The following FAT1 variants were observed in gnomAD, a reference collection of about 807,000 sequenced individuals.
FAT1 encodes protocadherin Fat 1.
FAT1 carries 171 observed loss-of-function variants against 329.8 expected under a neutral mutation model. The ratio of observed to expected loss-of-function variants is 0.52; its 90% CI spans 0.46 to 0.59. The LOEUF (loss-of-function observed/expected upper bound fraction) is 0.59, where lower values mean the gene tolerates loss of function less well. Among genes scored for constraint, FAT1 ranks in the 20% least tolerant of loss-of-function variants. FAT1 has a pLI of 0.00. For synonymous variants in FAT1, 2,233 were observed against 2,228.6 expected (o/e 1.00, Z -0.06); for missense variants, 5,672 against 5,774.4 (o/e 0.98, Z 0.57).
chr4:186,600,138 G>A lies in FAT1; in HGVS notation c.11863C>T (p.His3955Tyr), dbSNP rs2126412455. ...TGCCTTGTTCCCTGCTGACGGATGT[G>A]GCCACCAAAAAACACATAGTTATCC... ...NLDNYVFFGG[H>Y]IRQQGTRHGR... The change falls in exon 22 of 27, where the codon CAC becomes TAC. Residue 3955 changes from histidine (H) to tyrosine (Y), a missense_variant. This residue lies in a region of FAT1 where 1,706 missense variants were observed against 1,859.1 expected (regional missense o/e 0.92). Coordinates refer to ENST00000441802, the MANE Select transcript of FAT1 (RefSeq NM_005245.4). 3 of 1,613,976 alleles carry A rather than the reference G, an allele frequency of 1.9e-6. No homozygotes were observed. In the East Asian group the frequency reaches 6.7e-5, roughly 36 times the overall value.
At chr4:186,673,824 G>A (rs1422931329) in intron 2 of FAT1, among the ~76,000 whole-genome samples, 3 of 152,180 alleles carry the variant, frequency 2.0e-5, no homozygotes, top group Admixed American at 6.5e-5. Flanking sequence ...ATGTTGTCCC[G>A]CTTTGTTGAG....
intron 2 of FAT1, among the ~76,000 whole-genome samples, chr4:186,686,877 T>C (rs930310538): frequency 8.5e-5 from 13 of 152,198 alleles, no homozygotes; most frequent in African/African-American, 2.9e-4. Context: ...GAACTTATAT[T>C]CTTGATTTCA....
At chr4:186,642,717 C>T (rs934535855) in intron 3 of FAT1, among the ~76,000 whole-genome samples, 1 of 152,112 alleles carries the variant, frequency 6.6e-6, no homozygotes, top group Non-Finnish European at 1.5e-5. Context: ...AGCACAGACC[C>T]GAGGCGCAGG....
At position 186,707,971 on chromosome 4, in the gene FAT1, G is replaced by T. The variant is rs775388847; in HGVS notation, c.1857C>A (p.Pro619=). ...GCTTTAATGACAATACCCCCGAGTT[G>T]GGGTTTAAACTAAAGAAATCCAGTT... is the stretch of plus-strand genomic sequence containing the variant. The part of the protein sequence containing the change: ...GNELDFFSLN[P]NSGVLSLKRS... The change falls in exon 2 of 27, where the codon CCC becomes CCA. Residue 619 remains proline, a synonymous_variant. Transcript: ENST00000441802. The T allele has an allele frequency of 5.0e-6, 8 of 1,613,862 alleles. No homozygotes were observed. Among genetic ancestry groups the T allele is most frequent in the Non-Finnish European group, 5.9e-6 (7 of 1,179,872 alleles).
At chr4:186,646,896 A>G (rs1350268029) in intron 3 of FAT1, among the ~76,000 whole-genome samples, 1 of 152,188 alleles carries the variant, frequency 6.6e-6, no homozygotes, top group African/African-American at 2.4e-5. Context: ...GTACCAATCA[A>G]GAGGCTCTGT....
In FAT1 at chr4:186,714,876, G is replaced by A. The variant is rs188541436; in HGVS notation, c.-18-5031C>T. On this transcript the variant is annotated intron_variant, in intron 1 of 26. Coordinates refer to ENST00000441802, the MANE Select transcript of FAT1 (RefSeq NM_005245.4). ...AGGCGGATCACGAGGTCAAGAGACC[G>A]AGACCATCCTGGCCAACATGGTGAA... Among the ~76,000 whole-genome samples the A allele has an allele frequency of 5.9e-5, 9 of 152,230 alleles. No individual in the cohort carries two copies. The East Asian group carries it at 1.6e-3, about 26-fold the overall frequency.
rs144493633 is a variant in FAT1 at position 186,681,638 on chromosome 4, T to C, written c.3266-18025A>G. ...AAGAAAGTCAGAATCCACAGCAACG[T>C]TGTTCACTGAGACACATCGATGAGT... On this transcript the variant is annotated intron_variant, in intron 2 of 26. Transcript: ENST00000441802. 2.4e-4 allele frequency among the ~76,000 whole-genome samples: 37 copies of C among 152,328 alleles called. No individual in the cohort carries two copies. The East Asian group carries it at 6.7e-3, about 28-fold the overall frequency.
Position 186,621,423 on chromosome 4 carries a change from A to G in FAT1, c.5163T>C (p.Thr1721=), listed in dbSNP as rs993351995. Reference sequence around the variant, plus strand: ...AAGTTTCAAAGTCCAGGGCTTTCTGAGTGATGATAGTTCCAGAATGTGGAT... The same window carrying G: ...AAGTTTCAAAGTCCAGGGCTTTCTGGGTGATGATAGTTCCAGAATGTGGAT... ...DINPHSGTII[T]QKALDFETLP... The change falls in exon 10 of 27, where the codon ACT becomes ACC. Residue 1721 remains threonine, a synonymous_variant. Coordinates refer to ENST00000441802, the MANE Select transcript of FAT1 (RefSeq NM_005245.4). 3.1e-6 allele frequency: 5 copies of G among 1,613,914 alleles called. No individual in the cohort carries two copies. The highest frequency in any genetic ancestry group is 4.2e-6 in the Non-Finnish European group (5 of 1,179,904).
intron 1 of FAT1, among the ~76,000 whole-genome samples, chr4:186,719,081 A>G (rs1156973622): frequency 6.6e-6 from 1 of 152,038 alleles, no homozygotes; most frequent in Non-Finnish European, 1.5e-5. Context: ...ACTCTTTTAT[A>G]CTCTACACTG....
In FAT1 at chr4:186,618,754, T is replaced by C. The variant is rs1389594842; in HGVS notation, c.7832A>G (p.Lys2611Arg). The C allele has an allele frequency of 6.2e-7, 1 of 1,614,046 alleles. No homozygotes were observed. The highest frequency in any genetic ancestry group is 1.7e-5 in the Admixed American group (1 of 60,032). The change falls in exon 10 of 27, where the codon AAA (lysine) becomes AGA (arginine). Residue 2611 changes from lysine (K) to arginine (R), a missense_variant. Lys to Arg is a conservative substitution (Grantham distance 26). Transcript: ENST00000441802. ...AAGAACTTTAACGACTGAAGTCCCT[T>C]TAGCAGCACTGGACCCGATATTCAC... Reference protein sequence around the residue: ...YEVNIGSSAAKGTSVVKVLAS... With the variant: ...YEVNIGSSAARGTSVVKVLAS...
rs371227366 is a variant in FAT1, at chr4:186,597,984, T to A, written c.12245A>T (p.Tyr4082Phe). The A allele has an allele frequency of 3.7e-6, 6 of 1,611,364 alleles. No homozygotes were observed. Among genetic ancestry groups the A allele is most frequent in the African/African-American group, 1.3e-5 (1 of 74,780 alleles). Reference protein sequence around the residue: ...GGFVCQCRGLYTGQRCQLSPY... With the variant: ...GGFVCQCRGLFTGQRCQLSPY... ...AAAATACACATACCTCTGACCAGTA[T>A]ATAATCCTCTACACTGGCAAACAAA... is the stretch of plus-strand genomic sequence containing the variant. Residue 4082 changes from tyrosine to phenylalanine, a missense_variant, in exon 23 of 27, where the codon TAT becomes TTT. Around this residue, in one of 2 missense-constraint regions of FAT1, gnomAD observed 1,706 missense variants for 1,859.1 expected, o/e 0.92. Transcript: ENST00000441802.
At chr4:186,598,188 T>C in intron 22 of FAT1, 63 bp from the exon 23 acceptor site, 1 of 1,395,036 alleles carries the variant, frequency 7.2e-7, no homozygotes, top group Non-Finnish European at 9.6e-7. Context: ...CTGGTCTTAA[T>C]TATATTGCTT....
At chr4:186,590,237 C>T in intron 26 of FAT1, 1 of 421,688 alleles carries the variant, frequency 2.4e-6, no homozygotes, top group Non-Finnish European at 4.6e-6. Flanking sequence ...GCAATGCGCA[C>T]ACACATGCAG....
intron 26 of FAT1, among the ~76,000 whole-genome samples, chr4:186,591,420 C>G (rs902764682): frequency 1.3e-5 from 2 of 152,188 alleles, no homozygotes; most frequent in Non-Finnish European, 2.9e-5. Flanking sequence ...TAACATGTAT[C>G]TACAGAATCA....
chr4:186,641,538 G>A (rs562065394), intron 3 of FAT1, among the ~76,000 whole-genome samples: 12 of 152,184 alleles, frequency 7.9e-5, no homozygotes, highest in South Asian at 6.2e-4. Flanking sequence ...GTAACATCAC[G>A]TGGAATAGCA....
intron 1 of FAT1, among the ~76,000 whole-genome samples, chr4:186,715,779 A>G (rs1433147648): frequency 6.6e-6 from 1 of 152,256 alleles, no homozygotes; most frequent in Non-Finnish European, 1.5e-5. Flanking sequence ...AAGCCAAAAC[A>G]AAGAGTGTTT....
At chr4:186,693,049 TC>T (rs1286104503) in intron 2 of FAT1, among the ~76,000 whole-genome samples, 7 of 152,118 alleles carry the variant, frequency 4.6e-5, no homozygotes, top group African/African-American at 1.7e-4. Context: ...ACTTCAAGCA[TC>T]CCCCTGGTAT....
At chr4:186,718,540 A>C (rs965053658) in intron 1 of FAT1, among the ~76,000 whole-genome samples, 1 of 151,974 alleles carries the variant, frequency 6.6e-6, no homozygotes, top group Non-Finnish European at 1.5e-5. Context: ...GGTGGCATGC[A>C]CCTGTAGTCC....
intron 16 of FAT1, among the ~76,000 whole-genome samples, chr4:186,606,892 AGTCCT>A (rs1739170579): frequency 6.6e-6 from 1 of 152,264 alleles, no homozygotes; most frequent in African/African-American, 2.4e-5. Context: ...ACAGAACGTT[AGTCCT>A]GCAAGACGCT....
Sources: allele counts gnomAD v4.1 joint callset (sites outside exome capture counted in the v4.1 genomes callset), GRCh38; gene constraint gnomAD v4.1.1; regional missense constraint gnomAD v4.1.1; transcripts MANE v1.5; gene names NCBI Gene and HGNC (gene_info 2026-07-23, HGNC 2026-07-21).